The following RAB3B variants were observed in gnomAD, a reference collection of about 807,000 sequenced individuals.
The protein encoded by RAB3B is ras-related protein Rab-3B.
Under a neutral mutation model 20.5 loss-of-function variants are expected in RAB3B, and 11 were observed. That is an observed-to-expected ratio of 0.54 (90% CI 0.34 to 0.89). The LOEUF (loss-of-function observed/expected upper bound fraction) is 0.89. Ranked by LOEUF, RAB3B falls within the 40% of genes least tolerant of loss-of-function variation. RAB3B has a pLI of 0.02. For synonymous variants in RAB3B, 99 were observed against 106.3 expected, an observed-to-expected ratio of 0.93 and a Z score of 0.42; for missense variants, 225 against 280.9, an observed-to-expected ratio of 0.80 and a Z score of 1.42.
chr1:51,930,278 C>T (rs1212546737), intron 4 of RAB3B, among the ~76,000 whole-genome samples: 1 of 152,130 alleles, frequency 6.6e-6, no homozygotes, highest in African/African-American at 2.4e-5. Flanking sequence ...CTCTCTGAAC[C>T]TCATTTTTGA....
intron 4 of RAB3B, among the ~76,000 whole-genome samples, chr1:51,928,861 C>A (rs1052729505): frequency 6.6e-6 from 1 of 152,216 alleles, no homozygotes; most frequent in Non-Finnish European, 1.5e-5. Context: ...CCTGGCTAGC[C>A]TTTTCTCATC....
chr1:51,975,021 CTGGTGAACA>C (rs934952311), intron 2 of RAB3B, among the ~76,000 whole-genome samples: 7 of 152,032 alleles, frequency 4.6e-5, no homozygotes, highest in Non-Finnish European at 1.0e-4. Context: ...CAAGATCAGC[CTGGTGAACA>C]TGGTGAAAAC....
At chr1:51,931,957 G>T (rs972608898) in intron 4 of RAB3B, among the ~76,000 whole-genome samples, 7 of 152,104 alleles carry the variant, frequency 4.6e-5, no homozygotes, top group Admixed American at 4.6e-4. Context: ...ACCAGGTGTG[G>T]GCTTCATCAC....
chr1:51,933,541 G>T, intron 3 of RAB3B, 99 bp from the exon 4 acceptor site: 1 of 1,182,124 alleles, frequency 8.5e-7, no homozygotes, highest in Non-Finnish European at 1.2e-6. Flanking sequence ...AATCCCCAAT[G>T]TAATGGTATT....
intron 2 of RAB3B, 66 bp from the exon 3 acceptor site, chr1:51,937,478 G>T: frequency 2.7e-6 from 3 of 1,101,898 alleles, no homozygotes; most frequent in Non-Finnish European, 3.9e-6. Context: ...AAGTCCCCAG[G>T]ACAATTAACT....
At chr1:51,931,818 G>A (rs1396769717) in intron 4 of RAB3B, among the ~76,000 whole-genome samples, 1 of 152,112 alleles carries the variant, frequency 6.6e-6, no homozygotes, top group Admixed American at 6.6e-5. Flanking sequence ...CTCACCAGCT[G>A]GATGAGGGTA....
At chr1:51,950,577 C>T (rs968267328) in intron 2 of RAB3B, among the ~76,000 whole-genome samples, 2 of 121,596 alleles carry the variant, frequency 1.6e-5, no homozygotes, top group Non-Finnish European at 1.7e-5. Context: ...CCTCCTTTTT[C>T]TGGGCACTTT....
chr1:51,948,150 A>C (rs2124271961), intron 2 of RAB3B, among the ~76,000 whole-genome samples: 1 of 152,282 alleles, frequency 6.6e-6, no homozygotes, highest in African/African-American at 2.4e-5. Context: ...AAACCCTGTG[A>C]GAGAAGGACC....
chr1:51,983,174 T>G (rs979513727), intron 1 of RAB3B, among the ~76,000 whole-genome samples: 1 of 152,078 alleles, frequency 6.6e-6, no homozygotes, highest in Non-Finnish European at 1.5e-5. Context: ...GCCAACATGA[T>G]GAAACTCCAT....
chr1:51,989,807 AC>A (rs1553232439), intron 1 of RAB3B, among the ~76,000 whole-genome samples: 1 of 36,630 alleles, frequency 2.7e-5, no homozygotes, highest in Non-Finnish European at 5.5e-5. Flanking sequence ...CCCAAGCCCC[AC>A]CCCTCGTCTT....
chr1:51,961,841 G>A (rs1684788490), intron 2 of RAB3B, among the ~76,000 whole-genome samples: 1 of 152,052 alleles, frequency 6.6e-6, no homozygotes, highest in Non-Finnish European at 1.5e-5. Context: ...GGCGATCTCG[G>A]CTCACTGCAA....
In RAB3B at chr1:51,975,687, GC is replaced by G. The variant is rs1684998391; in HGVS notation, c.228+1202del. 6.6e-5 allele frequency among the ~76,000 whole-genome samples: 10 copies of G among 152,166 alleles called. No individual in the cohort carries two copies. In the South Asian group the frequency reaches 2.1e-3, roughly 32 times the overall value. On this transcript the variant is annotated intron_variant, in intron 2 of 4. Transcript: ENST00000371655. The stretch of plus-strand genomic sequence containing the variant: ...CAGCTAGCACCAGACATGTGAGTGT[GC>G]AGTCTTAAGATCCTCCAGCCCCAGG...
chr1:51,933,193 T>C (rs1230714482), intron 4 of RAB3B, 125 bp downstream of exon 4: 1 of 1,022,530 alleles, frequency 9.8e-7, no homozygotes, highest in South Asian at 1.6e-5. Flanking sequence ...ACAGATCACA[T>C]AGGTACATAA....
chr1:51,959,937 T>C (rs1245456671), intron 2 of RAB3B, among the ~76,000 whole-genome samples: 1 of 152,128 alleles, frequency 6.6e-6, no homozygotes, highest in Non-Finnish European at 1.5e-5. Flanking sequence ...GTTGGGGGTT[T>C]AGAGTACACG....
intron 2 of RAB3B, among the ~76,000 whole-genome samples, chr1:51,954,055 AT>A (rs1261948523): frequency 6.6e-6 from 1 of 152,174 alleles, no homozygotes; most frequent in Non-Finnish European, 1.5e-5. Context: ...CTGCAACATT[AT>A]TGATAACAGC....
chr1:51,947,413 A>G (rs1371647477), intron 2 of RAB3B, among the ~76,000 whole-genome samples: 1 of 151,888 alleles, frequency 6.6e-6, no homozygotes, highest in Admixed American at 6.6e-5. Context: ...AAAAAAATTC[A>G]AATTCTGTCT....
intron 2 of RAB3B, chr1:51,973,272 CAA>C (rs1259148894): frequency 6.6e-6 from 1 of 152,066 alleles, no homozygotes; most frequent in Non-Finnish European, 1.5e-5. Flanking sequence ...TTAAAATAAA[CAA>C]TATTTAAATG....
chr1:51,954,505 C>T (rs1272221105), intron 2 of RAB3B, among the ~76,000 whole-genome samples: 1 of 152,150 alleles, frequency 6.6e-6, no homozygotes, highest in East Asian at 1.9e-4. Context: ...TTAGTAAGCA[C>T]TGGCAGTTGC....
intron 1 of RAB3B, among the ~76,000 whole-genome samples, chr1:51,979,963 C>A (rs1685065111): frequency 6.6e-6 from 1 of 151,918 alleles, no homozygotes; most frequent in Admixed American, 6.6e-5. Context: ...ATGGCGTGAA[C>A]CAGGGAGGCG....
Sources: allele counts gnomAD v4.1 joint callset (sites outside exome capture counted in the v4.1 genomes callset), GRCh38; gene constraint gnomAD v4.1.1; transcripts MANE v1.5; gene names NCBI Gene and HGNC (gene_info 2026-07-23, HGNC 2026-07-21).